The following SPTBN1 variants were observed in gnomAD, a reference collection of about 807,000 sequenced individuals.
SPTBN1 encodes the protein spectrin beta, non-erythrocytic 1.
SPTBN1 carries 32 observed loss-of-function variants against 266.4 expected under a neutral mutation model. The ratio of observed to expected loss-of-function variants is 0.12; its 90% CI spans 0.09 to 0.16. SPTBN1 has a LOEUF of 0.16. Ranked by LOEUF, SPTBN1 falls within the 10% of genes least tolerant of loss-of-function variation. The pLI is 1.00. For synonymous variants in SPTBN1, 1,336 were observed against 1,162.2 expected (o/e 1.15, Z -3.04); for missense variants, 2,296 against 3,067.1 (o/e 0.75, Z 5.94).
Position 54,646,259 on chromosome 2 carries a change from C to T in SPTBN1, c.4650C>T (p.Asn1550=), listed in dbSNP as rs777585032. Residue 1550 remains asparagine (N), a synonymous_variant, in exon 23 of 36, where the codon AAC becomes AAT. Transcript: ENST00000356805. The surrounding 1 kb of genome is among the most constrained non-coding windows in gnomAD (Gnocchi z 4.4). The part of the protein sequence containing the change: ...RIDDIFERSQ[N]IVTDSSSLSA... ...ACGACATCTTTGAGAGGAGCCAAAA[C>T]ATCGTCACTGACAGCAGCAGCCTCA... 1.9e-6 allele frequency: 3 copies of T among 1,614,144 alleles called. No homozygotes were observed. Among genetic ancestry groups the T allele is most frequent in the South Asian group, 1.1e-5 (1 of 91,078 alleles).
chr2:54,537,253 G>A lies in SPTBN1; in HGVS notation c.148+10687G>A, dbSNP rs141264500. On this transcript the variant is annotated intron_variant, in intron 2 of 35. Coordinates refer to ENST00000356805, the MANE Select transcript of SPTBN1 (RefSeq NM_003128.3). ...TACTGTCATTCCAACCCCAGCTCTT[G>A]CCTATCCTTTGCCTTTTGTCCTCAT... 3.7e-4 allele frequency among the ~76,000 whole-genome samples: 56 copies of A among 152,234 alleles called. 1 individual carries two copies. The highest frequency in any genetic ancestry group is 6.8e-3 in the Middle Eastern group (2 of 294).
intron 1 of SPTBN1, among the ~76,000 whole-genome samples, chr2:54,499,411 A>T (rs1013922256): frequency 6.6e-6 from 1 of 152,206 alleles, no homozygotes; most frequent in African/African-American, 2.4e-5. Context: ...ATGTAGTACT[A>T]AAAGTGAGAG....
At chr2:54,557,222 AC>A (rs1191945685) in intron 2 of SPTBN1, among the ~76,000 whole-genome samples, 1 of 152,206 alleles carries the variant, frequency 6.6e-6, no homozygotes, top group Non-Finnish European at 1.5e-5. Context: ...TACTTCAATT[AC>A]AAGTGCCCTG....
chr2:54,615,151 A>G (rs1473526812), intron 4 of SPTBN1, among the ~76,000 whole-genome samples: 1 of 152,202 alleles, frequency 6.6e-6, no homozygotes, highest in East Asian at 1.9e-4. Context: ...TTTTTAATGT[A>G]GTTGTTTCAA....
At chr2:54,486,997 T>G (rs1384119928) in intron 1 of SPTBN1, among the ~76,000 whole-genome samples, 1 of 152,036 alleles carries the variant, frequency 6.6e-6, no homozygotes, top group Admixed American at 6.5e-5. Flanking sequence ...TGAGGACCAG[T>G]TTTTGAGGCT....
Position 54,653,953 on chromosome 2 carries a change from G to C in SPTBN1, c.5822+100G>C. 1 of 1,521,628 alleles carries C rather than the reference G, an allele frequency of 6.6e-7. No homozygotes were observed. The highest frequency in any genetic ancestry group is 2.5e-5 in the Admixed American group (1 of 40,008). 94.3% of individuals were successfully genotyped at this position (1,521,628 alleles called of 1,614,324 possible). ...AGGAGCCTTGAAAGCGTTCCTGCCT[G>C]AGCGCTTCAAGGCCAGAGTGGGGGT... On this transcript the variant is annotated intron_variant, in intron 27 of 35. Coordinates refer to ENST00000356805, the MANE Select transcript of SPTBN1 (RefSeq NM_003128.3). This position sits in a 1 kb window ranked among gnomAD's most constrained non-coding sequence, Gnocchi z 5.1.
rs1032047442 is a variant in SPTBN1, at chr2:54,670,623, A to G, written c.*2054A>G. 2.5e-6 allele frequency: 1 copy of G among 398,658 alleles called. No individual in the cohort carries two copies. The highest frequency in any genetic ancestry group is 1.3e-4 in the South Asian group (1 of 7,860). 24.7% of individuals were successfully genotyped at this position (398,658 alleles called of 1,614,324 possible). On this transcript the variant is annotated 3_prime_UTR_variant, in exon 36 of 36. Coordinates refer to ENST00000356805, the MANE Select transcript of SPTBN1 (RefSeq NM_003128.3). ...GCAAAGTATCTTGGAAACAATTGTG[A>G]TTAATTACAGTCTTGTACTCTTGAC...
At chr2:54,499,784 C>T (rs1472287403) in intron 1 of SPTBN1, among the ~76,000 whole-genome samples, 1 of 152,148 alleles carries the variant, frequency 6.6e-6, no homozygotes, top group Admixed American at 6.5e-5. Context: ...TTTGCTTTCC[C>T]CCTTCCTTTA....
At chr2:54,460,712 T>G (rs963574031) in intron 1 of SPTBN1, among the ~76,000 whole-genome samples, 7 of 152,192 alleles carry the variant, frequency 4.6e-5, no homozygotes, top group Admixed American at 1.3e-4. Context: ...TAAAGAATCG[T>G]AAACCAGCTG....
intron 2 of SPTBN1, among the ~76,000 whole-genome samples, chr2:54,543,286 C>T (rs994158054): frequency 9.9e-5 from 15 of 152,254 alleles, no homozygotes; most frequent in Middle Eastern, 3.4e-3. Context: ...ATTCCTAGCT[C>T]GGTGTCTGCA....
At chr2:54,520,216 A>G (rs1670356816) in intron 1 of SPTBN1, 1 of 152,198 alleles carries the variant, frequency 6.6e-6, no homozygotes, top group Non-Finnish European at 1.5e-5. Flanking sequence ...TTAGATAATA[A>G]ATGTGGTATC....
In SPTBN1 at chr2:54,618,858, G is replaced by A. The variant is rs368815811; in HGVS notation, c.763+665G>A. On this transcript the variant is annotated intron_variant, in intron 7 of 35. Transcript: ENST00000356805. ...TACAGCTGCATCCCATTATCTGCACGGAACTAATCCCTCTTTACTCTGTGA... is the reference window on the plus strand; with the variant it reads ...TACAGCTGCATCCCATTATCTGCACAGAACTAATCCCTCTTTACTCTGTGA... Among the ~76,000 whole-genome samples the A allele has an allele frequency of 6.6e-5, 10 of 152,294 alleles. No individual in the cohort carries two copies. The East Asian group carries it at 9.6e-4, about 15-fold the overall frequency.
chr2:54,631,634 C>T, intron 16 of SPTBN1, 23 bp downstream of exon 16: 2 of 1,593,472 alleles, frequency 1.3e-6, no homozygotes, highest in Non-Finnish European at 1.7e-6. Context: ...CCTGCCTTTG[C>T]TTCCTTTCGG....
chr2:54,492,349 G>GT (rs542155672), intron 1 of SPTBN1, among the ~76,000 whole-genome samples: 1,337 of 132,602 alleles, frequency 0.01, 19 homozygotes, highest in Middle Eastern at 0.02. Flanking sequence ...TTGTTTTTTT[G>GT]TTTTTTTTTT....
In SPTBN1 at chr2:54,539,790, C is replaced by T. The variant is rs912260476; in HGVS notation, c.148+13224C>T. Reference sequence around the variant, plus strand: ...CTCCTGGGCTCAAGAAATCAGCCCACGTTGGCTTCCCAGAGTGCTGAGATA... The same window carrying T: ...CTCCTGGGCTCAAGAAATCAGCCCATGTTGGCTTCCCAGAGTGCTGAGATA... On this transcript the variant is annotated intron_variant, in intron 2 of 35. Coordinates refer to ENST00000356805, the MANE Select transcript of SPTBN1 (RefSeq NM_003128.3). Among the ~76,000 whole-genome samples the T allele has an allele frequency of 2.6e-5, 4 of 152,144 alleles. 1 individual carries two copies. Among genetic ancestry groups the T allele is most frequent in the East Asian group, 3.8e-4 (2 of 5,200 alleles).
chr2:54,532,836 C>T (rs1003746986), intron 2 of SPTBN1, among the ~76,000 whole-genome samples: 2 of 152,170 alleles, frequency 1.3e-5, no homozygotes, highest in African/African-American at 2.4e-5. Context: ...GTTGATTCTA[C>T]TGTGAGACAA....
intron 2 of SPTBN1, among the ~76,000 whole-genome samples, chr2:54,553,187 A>G (rs1672679721): frequency 1.3e-5 from 2 of 152,144 alleles, no homozygotes; most frequent in Non-Finnish European, 2.9e-5. Flanking sequence ...TTGAAAAAGG[A>G]CTAGGTTTTT....
In SPTBN1 at chr2:54,618,173, C is replaced by G. The variant is rs745981014; in HGVS notation, c.743C>G (p.Thr248Ser). The G allele has an allele frequency of 6.2e-7, 1 of 1,614,182 alleles. No homozygotes were observed. The highest frequency in any genetic ancestry group is 1.1e-5 in the South Asian group (1 of 91,084). Residue 248 changes from threonine to serine, a missense_variant, in exon 7 of 36, where the codon ACT becomes AGT. Physicochemically the swap from Thr to Ser is moderately conservative, Grantham distance 58 (BLOSUM62 1). This residue lies in a region of SPTBN1 where 178 missense variants were observed against 375.7 expected (regional missense o/e 0.47). Coordinates refer to ENST00000356805, the MANE Select transcript of SPTBN1 (RefSeq NM_003128.3). ...CTGGCAGAACAGCACCTCGGCCTCA[C>G]TAAACTGTTGGACCCCGAAGGTAGG... is the stretch of plus-strand genomic sequence containing the variant. ...FNLAEQHLGL[T>S]KLLDPEDISV...
chr2:54,647,296 T>C lies in SPTBN1; in HGVS notation c.4997+35T>C, dbSNP rs767422615. On this transcript the variant is annotated intron_variant, in intron 24 of 35. Transcript: ENST00000356805. ...GCTTCATGAGTGTGAGACCCGGCTC[T>C]CGATTCCTCTCAGTTAGGGTCTCTT... 6 of 1,608,426 alleles carry C rather than the reference T, an allele frequency of 3.7e-6. No homozygotes were observed. The Admixed American group carries it at 1.0e-4, about 27-fold the overall frequency.
Sources: gnomAD v4.1 joint callset for allele counts (sites outside exome capture counted in the v4.1 genomes callset) on GRCh38, gnomAD v4.1.1 for gene constraint, gnomAD v4.1.1 regional missense constraint, Gnocchi (gnomAD v3.1) non-coding constraint, MANE v1.5 for transcripts, NCBI Gene and HGNC (gene_info 2026-07-23, HGNC 2026-07-21) for gene names.